Variants in ATP8B4 observed in about 807,000 individuals in gnomAD.
ATP8B4 encodes ATPase phospholipid transporting 8B4 (putative).
ATP8B4 carries 133 observed loss-of-function variants against 145.6 expected under a neutral mutation model. The observed-to-expected ratio is 0.91, with a 90% CI of 0.79 to 1.05. ATP8B4 has a LOEUF of 1.05. Ranked by LOEUF, ATP8B4 falls within the 50% of genes least tolerant of loss-of-function variation. ATP8B4 has a pLI of 0.00. For synonymous variants in ATP8B4, 507 were observed against 492.9 expected, an observed-to-expected ratio of 1.03 and a Z score of -0.38; for missense variants, 1,458 against 1,425.2, an observed-to-expected ratio of 1.02 and a Z score of -0.37.
intron 6 of ATP8B4, among the ~76,000 whole-genome samples, chr15:50,029,176 T>TGAGCTGA (rs1489152306): frequency 7.3e-6 from 1 of 137,046 alleles, no homozygotes; most frequent in Non-Finnish European, 1.5e-5. Context: ...GAGGTTGCAG[T>TGAGCTGA]GAGCTGAGAT....
intron 6 of ATP8B4, among the ~76,000 whole-genome samples, chr15:50,033,414 A>G (rs2050597385): frequency 6.6e-6 from 1 of 152,210 alleles, no homozygotes; most frequent in Non-Finnish European, 1.5e-5. Context: ...TGGAGAAGTA[A>G]AAATGTTAAG....
Position 50,132,579 on chromosome 15 carries a change from T to C in ATP8B4, c.-42-25571A>G, listed in dbSNP as rs529555242. On this transcript the variant is annotated intron_variant, in intron 1 of 3. Coordinates refer to the ATP8B4 transcript ENST00000558829. ...ATTCCTCAAGAATCTAGAAGCAGAATTACCATTTGACCCAGCAATCCCATT... is the reference window on the plus strand; with the variant it reads ...ATTCCTCAAGAATCTAGAAGCAGAACTACCATTTGACCCAGCAATCCCATT... Among the ~76,000 whole-genome samples, 4 of 152,284 alleles carry C rather than the reference T, an allele frequency of 2.6e-5. No individual in the cohort carries two copies. In the South Asian group the frequency reaches 8.3e-4, roughly 32 times the overall value.
intron 20 of ATP8B4, among the ~76,000 whole-genome samples, chr15:49,907,457 T>C (rs2038742444): frequency 6.6e-6 from 1 of 152,224 alleles, no homozygotes; most frequent in Non-Finnish European, 1.5e-5. Context: ...CCCCACTGTT[T>C]CAGGCCTGCT....
chr15:49,989,582 C>T (rs563643893), intron 9 of ATP8B4, among the ~76,000 whole-genome samples: 7 of 152,256 alleles, frequency 4.6e-5, no homozygotes, highest in African/African-American at 1.7e-4. Context: ...CCCTCCCTGA[C>T]CTCACACCAA....
At chr15:49,999,892 C>CT (rs1224520224) in intron 8 of ATP8B4, among the ~76,000 whole-genome samples, 1 of 152,124 alleles carries the variant, frequency 6.6e-6, no homozygotes, top group Non-Finnish European at 1.5e-5. Context: ...AATCTGTTCT[C>CT]TATTTCCATG....
At chr15:50,080,611 T>C (rs1407995617) in intron 2 of ATP8B4, among the ~76,000 whole-genome samples, 1 of 151,896 alleles carries the variant, frequency 6.6e-6, no homozygotes, top group East Asian at 1.9e-4. Flanking sequence ...TTTTTTTTAA[T>C]AAGTAGAGAC....
At chr15:49,916,152 T>C (rs2039718374) in intron 20 of ATP8B4, among the ~76,000 whole-genome samples, 1 of 152,220 alleles carries the variant, frequency 6.6e-6, no homozygotes, top group Non-Finnish European at 1.5e-5. Context: ...TAAGACAGTA[T>C]TTTTTAAGTT....
At chr15:50,009,469 G>C (rs1355499807) in intron 7 of ATP8B4, 1 of 289,464 alleles carries the variant, frequency 3.5e-6, no homozygotes, top group African/African-American at 2.3e-5. Context: ...TTGAGATCCT[G>C]TAGTGGTCTA....
intron 19 of ATP8B4, 62 bp downstream of exon 19, chr15:49,918,777 A>G (rs941580532): frequency 1.6e-6 from 2 of 1,230,902 alleles, no homozygotes; most frequent in Non-Finnish European, 2.4e-6. Context: ...GTTAATTAAA[A>G]TTTTGTGATA....
intron 9 of ATP8B4, among the ~76,000 whole-genome samples, 184 bp downstream of exon 9, chr15:49,996,493 C>T (rs994382786): frequency 6.6e-6 from 1 of 152,074 alleles, no homozygotes; most frequent in African/African-American, 2.4e-5. Context: ...CTGATAAAGC[C>T]ATTCTCTCCT....
chr15:50,038,994 C>G (rs531997806), intron 5 of ATP8B4, among the ~76,000 whole-genome samples, 165 bp from the exon 6 acceptor site: 1 of 152,168 alleles, frequency 6.6e-6, no homozygotes, highest in Non-Finnish European at 1.5e-5. Context: ...TGTTCTAAAT[C>G]TAAATCAAAA....
intron 9 of ATP8B4, among the ~76,000 whole-genome samples, chr15:49,988,435 T>C (rs1259247817): frequency 2.6e-5 from 4 of 150,960 alleles, no homozygotes; most frequent in Non-Finnish European, 4.4e-5. Flanking sequence ...AAGAACAGAA[T>C]GGAGGGAGAG....
Position 50,047,590 on chromosome 15 carries a change from C to G in ATP8B4, c.88-126G>C, listed in dbSNP as rs1210793026. 3 of 665,898 alleles carry G rather than the reference C, an allele frequency of 4.5e-6. No homozygotes were observed. In the African/African-American group the frequency reaches 5.5e-5, roughly 12 times the overall value. The allele number at this position is 665,898 out of a possible 1,614,324, so 41.2% of individuals were successfully genotyped here. ...GCCGGTTATCTAGGAAATTTCAACT[C>G]TGTGTGGCTCAAGGCCTTCATTTTT... On this transcript the variant is annotated intron_variant, in intron 3 of 27. Coordinates refer to ENST00000284509, the MANE Select transcript of ATP8B4 (RefSeq NM_024837.4).
chr15:50,114,202 T>G (rs2057092407), intron 1 of ATP8B4, among the ~76,000 whole-genome samples: 1 of 150,510 alleles, frequency 6.6e-6, no homozygotes, highest in South Asian at 2.1e-4. Flanking sequence ...GAGATTTTGG[T>G]GCACCCATCA....
intron 1 of ATP8B4, among the ~76,000 whole-genome samples, chr15:50,125,003 A>G (rs1050450377): frequency 6.6e-6 from 1 of 152,238 alleles, no homozygotes; most frequent in Non-Finnish European, 1.5e-5. Flanking sequence ...CATCAGCAAG[A>G]GAAACACTCC....
rs1304170621 is a variant in ATP8B4 at position 49,889,415 on chromosome 15, A to AG, written c.2697+7876_2697+7877insC. 1.4e-4 allele frequency among the ~76,000 whole-genome samples: 21 copies of AG among 152,358 alleles called. No individual in the cohort carries two copies. In the East Asian group the frequency reaches 3.9e-3, roughly 28 times the overall value. On this transcript the variant is annotated intron_variant, in intron 23 of 27. Transcript: ENST00000284509. ...CAGGAAATTCCACCCAACATAGGAA[A>AG]CAAAAGGGAGTCTGGTCCGCGGGTT... is the stretch of plus-strand genomic sequence containing the variant.
intron 6 of ATP8B4, among the ~76,000 whole-genome samples, chr15:50,027,182 G>A (rs1273980898): frequency 1.3e-5 from 2 of 152,124 alleles, no homozygotes; most frequent in African/African-American, 4.8e-5. Flanking sequence ...TGCACCCAAA[G>A]CACCCAGTGC....
intron 11 of ATP8B4, 98 bp downstream of exon 11, chr15:49,981,108 A>G: frequency 9.6e-7 from 1 of 1,039,374 alleles, no homozygotes; most frequent in Non-Finnish European, 1.4e-6. Flanking sequence ...AACAAACTCC[A>G]CAAGGAGAAT....
chr15:50,063,099 G>A (rs1254410319), intron 3 of ATP8B4, among the ~76,000 whole-genome samples: 4 of 146,872 alleles, frequency 2.7e-5, no homozygotes, highest in African/African-American at 5.1e-5. Flanking sequence ...AAAAAAAAAA[G>A]CCTTTCTGCT....
Sources: gnomAD v4.1 joint callset for allele counts (sites outside exome capture counted in the v4.1 genomes callset) on GRCh38, gnomAD v4.1.1 for gene constraint, MANE v1.5 for transcripts, NCBI Gene and HGNC (gene_info 2026-07-23, HGNC 2026-07-21) for gene names.